The following SCART1 variants were observed in gnomAD, a reference collection of about 807,000 sequenced individuals.
SCART1 encodes scavenger receptor family member expressed on T cells 1, also known as scavenger receptor cysteine-rich domain-containing protein SCART1.
SCART1 carries 62 observed loss-of-function variants against 36.2 expected under a neutral mutation model. That is an observed-to-expected ratio of 1.71 (90% confidence interval 1.40 to 2.12). The LOEUF (loss-of-function observed/expected upper bound fraction) is 2.12. Ranked by LOEUF, SCART1 falls within the 30% of genes most tolerant of loss-of-function variation. The pLI is 0.00. For synonymous variants in SCART1, 487 were observed against 238.7 expected, an observed-to-expected ratio of 2.04 and a Z score of -9.59; for missense variants, 1,041 against 540.5, an observed-to-expected ratio of 1.93 and a Z score of -9.18.
chr10:133,465,475 G>A, exon 9 of SCART1: 2 of 522,748 alleles, frequency 3.8e-6, no homozygotes, highest in Non-Finnish European at 6.6e-6. Context: ...GGGGTGCCGG[G>A]GCAGCGAGGC....
At chr10:133,466,056 A>G in intron 9 of SCART1, 179 bp from the exon 10 acceptor site, 1 of 635,442 alleles carries the variant, frequency 1.6e-6, no homozygotes, top group Non-Finnish European at 2.8e-6. Context: ...CCCAGTGGAC[A>G]CTAGCCATTT....
chr10:133,460,577 C>T (rs1427899236), intron 6 of SCART1, among the ~76,000 whole-genome samples: 1 of 135,056 alleles, frequency 7.4e-6, no homozygotes, highest in Non-Finnish European at 1.5e-5. Context: ...ACTGTGTTGC[C>T]CAGGCTGGAG....
intron 9 of SCART1, chr10:133,465,983 C>T: frequency 1.5e-6 from 1 of 674,962 alleles, no homozygotes; most frequent in South Asian, 1.5e-5. Context: ...GTGACTTGCC[C>T]TGGCATCTGC....
chr10:133,457,349 C>T (rs1260017850), exon 3 of SCART1: 8 of 701,222 alleles, frequency 1.1e-5, no homozygotes, highest in African/African-American at 1.7e-5. Flanking sequence ...AGATCAGAAA[C>T]GTGAATGGGG....
At chr10:133,464,802 C>T (rs1292182438) in exon 7 of SCART1, 1 of 702,660 alleles carries the variant, frequency 1.4e-6, no homozygotes, top group Non-Finnish European at 2.6e-6. Context: ...TCTGCGGGCA[C>T]CGGGACCGCC....
At position 133,458,499 on chromosome 10, in the gene SCART1, C is replaced by A. The variant is rs756739752; in HGVS notation, c.822C>A (p.Val274=). 4.4e-6 allele frequency: 3 copies of A among 683,804 alleles called. No homozygotes were observed. The Admixed American group carries it at 6.7e-5, about 15-fold the overall frequency. The allele number at this position is 683,804 out of a possible 1,614,324, so 42.4% of individuals were successfully genotyped here. A position where few individuals can be genotyped will look rare whatever the true frequency, so the allele number is the denominator to read the frequency against. The stretch of plus-strand genomic sequence containing the variant: ...GCCGGGAGCTGCAGTGTGGGGCGGT[C>A]GTGTCCACGCCCGAGGGCGCCCGCT... Residue 274 remains valine, a synonymous_variant, in exon 4 of 12, where the codon GTC becomes GTA. Transcript: ENST00000640237.
exon 12 of SCART1, chr10:133,467,880 A>T (rs1014676693): frequency 2.9e-6 from 2 of 694,862 alleles, no homozygotes; most frequent in East Asian, 5.4e-5. Context: ...CTGGAGGGAC[A>T]GTCTATACGT....
At chr10:133,467,014 C>T (rs1432109439) in intron 10 of SCART1, 184 bp from the exon 11 acceptor site, 6 of 516,576 alleles carry the variant, frequency 1.2e-5, no homozygotes, top group South Asian at 8.7e-5. Flanking sequence ...TGGCAAGGGA[C>T]GGTGGCCAGG....
rs146265157 is a variant in SCART1 at position 133,463,066 on chromosome 10, A to G, written c.1970-1540A>G. 5.5e-3 allele frequency among the ~76,000 whole-genome samples: 836 copies of G among 152,322 alleles called. 7 individuals carry two copies. The highest frequency in any genetic ancestry group is 0.027 in the Middle Eastern group (8 of 294). ...TTTAAAAGCGTTATTACAGTGCTCC[A>G]TGGCACAGCTTTAAAGGATTGTCTA... On this transcript the variant is annotated intron_variant, in intron 6 of 11. Coordinates refer to ENST00000640237, the Ensembl canonical transcript of SCART1.
chr10:133,459,482 C>T lies in SCART1; in HGVS notation c.1286-5C>T. 1 of 634,392 alleles carries T rather than the reference C, an allele frequency of 1.6e-6. No individual in the cohort carries two copies. The allele number at this position is 634,392 out of a possible 1,614,324, so 39.3% of individuals were successfully genotyped here. A position where few individuals can be genotyped will look rare whatever the true frequency, so the allele number is the denominator to read the frequency against. On this transcript the variant is annotated splice_region_variant and splice_polypyrimidine_tract_variant and intron_variant, in intron 5 of 11. Transcript: ENST00000640237. ...TCTTGGGCCCCTGTGCGTCCCCATCCCCAGGTCTGGCCCACGCCCTGCGAC... is the reference window on the plus strand; with the variant it reads ...TCTTGGGCCCCTGTGCGTCCCCATCTCCAGGTCTGGCCCACGCCCTGCGAC...
rs924019768 is a variant in SCART1 at position 133,458,212 on chromosome 10, G to A, written c.683-148G>A. The A allele has an allele frequency of 1.2e-4, 86 of 700,596 alleles. 2 individuals carry two copies. In the African/African-American group the frequency reaches 1.3e-3, roughly 11 times the overall value. The allele number at this position is 700,596 out of a possible 1,614,324, so 43.4% of individuals were successfully genotyped here. A position where few individuals can be genotyped will look rare whatever the true frequency, so the allele number is the denominator to read the frequency against. On this transcript the variant is annotated intron_variant, in intron 3 of 11. Transcript: ENST00000640237. ...CTGGGTGCCGGGTGGAAGGGCCTGTGGCTGCAAGTTCCTGCCTGTGCTTGG... is the reference window on the plus strand; with the variant it reads ...CTGGGTGCCGGGTGGAAGGGCCTGTAGCTGCAAGTTCCTGCCTGTGCTTGG...
intron 1 of SCART1, among the ~76,000 whole-genome samples, chr10:133,455,361 G>A (rs1850595772): frequency 6.6e-6 from 1 of 152,106 alleles, no homozygotes; most frequent in East Asian, 1.9e-4. Flanking sequence ...GTGGAGGGAT[G>A]GATGAAGACT....
intron 6 of SCART1, among the ~76,000 whole-genome samples, chr10:133,463,341 A>G (rs2255518): frequency 0.64 from 97,367 of 151,844 alleles, 33,896 homozygotes; most frequent in Non-Finnish European, 0.78. Flanking sequence ...TTCCTAGCAA[A>G]CTTCCAGTGT....
intron 2 of SCART1, 103 bp downstream of exon 2, chr10:133,456,657 G>A (rs995292354): frequency 3.4e-6 from 2 of 593,498 alleles, no homozygotes; most frequent in Non-Finnish European, 6.0e-6. Flanking sequence ...AGGATGGCGG[G>A]TCTCGGAGAC....
chr10:133,461,407 G>A (rs1266344471), intron 6 of SCART1, among the ~76,000 whole-genome samples: 2 of 152,188 alleles, frequency 1.3e-5, no homozygotes, highest in East Asian at 1.9e-4. Flanking sequence ...ATTGATTTTG[G>A]TTTATATTTT....
exon 12 of SCART1, chr10:133,468,860 A>G (rs1048019363): frequency 1.3e-5 from 2 of 152,214 alleles, no homozygotes; most frequent in Admixed American, 1.3e-4. Flanking sequence ...AATGTTTAAA[A>G]AAGAAAATGA....
intron 3 of SCART1, chr10:133,458,120 G>A (rs1196326783): frequency 7.3e-6 from 5 of 687,628 alleles, no homozygotes; most frequent in South Asian, 1.5e-5. Flanking sequence ...TGTGAAATAC[G>A]TGAGCACCTG....
chr10:133,466,637 G>A (rs940413118), intron 10 of SCART1, among the ~76,000 whole-genome samples: 1 of 152,226 alleles, frequency 6.6e-6, no homozygotes, highest in East Asian at 1.9e-4. Context: ...TAGCTGAGAC[G>A]GTGGATGCCC....
At chr10:133,456,055 C>T (rs1850605951) in intron 1 of SCART1, among the ~76,000 whole-genome samples, 182 bp from the exon 2 acceptor site, 1 of 152,066 alleles carries the variant, frequency 6.6e-6, no homozygotes, top group African/African-American at 2.4e-5. Context: ...CCCGGGGAGA[C>T]ACATGGGGTG....
Sources: gnomAD v4.1 joint callset for allele counts (sites outside exome capture counted in the v4.1 genomes callset) on GRCh38, gnomAD v4.1.1 for gene constraint, MANE v1.5 for transcripts, NCBI Gene and HGNC (gene_info 2026-07-23, HGNC 2026-07-21) for gene names.